The following CLYBL variants were observed in gnomAD, a reference collection of about 807,000 sequenced individuals.
CLYBL encodes the protein citramalyl-CoA lyase.
Under a neutral mutation model 38.9 loss-of-function variants are expected in CLYBL, and 31 were observed. That is an observed-to-expected ratio of 0.80 (90% CI 0.60 to 1.08). The LOEUF (loss-of-function observed/expected upper bound fraction) is 1.08. Ranked by LOEUF, CLYBL falls within the 50% of genes least tolerant of loss-of-function variation. The pLI is 0.00. For missense variants in CLYBL, 434 were observed against 411.6 expected (o/e 1.05, Z -0.47); for synonymous variants, 171 against 158.6 (o/e 1.08, Z -0.59).
At position 99,819,465 on chromosome 13, in the gene CLYBL, T is replaced by TATATATATATATAA. The variant is rs1366110606; in HGVS notation, c.250-39393_250-39392insTATATATATAAATA. Among the ~76,000 whole-genome samples the TATATATATATATAA allele has an allele frequency of 3.7e-3, 219 of 58,694 alleles. 16 individuals carry two copies. Among genetic ancestry groups the TATATATATATATAA allele is most frequent in the East Asian group, 9.9e-3 (18 of 1,826 alleles). The allele number at this position is 58,694 out of a possible 152,430, so 38.5% of individuals were successfully genotyped here. A position where few individuals can be genotyped will look rare whatever the true frequency, so the allele number is the denominator to read the frequency against. On this transcript the variant is annotated intron_variant, in intron 2 of 8. Transcript: ENST00000339105. The stretch of plus-strand genomic sequence containing the variant: ...ATATATATATATATATATATATATA[T>TATATATATATATAA]ATAATATTTGTCAGGGTTGTCTGGG...
At chr13:99,624,154 C>A (rs1157828423) in intron 1 of CLYBL, among the ~76,000 whole-genome samples, 1 of 152,088 alleles carries the variant, frequency 6.6e-6, no homozygotes, top group African/African-American at 2.4e-5. Context: ...TCAGAGCACC[C>A]CGTTCTTCAT....
chr13:99,606,800 C>T (rs1376813151), intron 1 of CLYBL, 43 bp downstream of exon 1: 2 of 1,353,592 alleles, frequency 1.5e-6, no homozygotes, highest in African/African-American at 1.5e-5. Flanking sequence ...GCCCGGCTCG[C>T]CGCGGGTCGG....
intron 1 of CLYBL, among the ~76,000 whole-genome samples, chr13:99,627,802 G>A (rs766226841): frequency 6.6e-6 from 1 of 152,198 alleles, no homozygotes; most frequent in Non-Finnish European, 1.5e-5. Flanking sequence ...GAGAAATAAT[G>A]TTGCTACATA....
chr13:99,726,930 G>A (rs1396918246), intron 1 of CLYBL, among the ~76,000 whole-genome samples: 2 of 151,982 alleles, frequency 1.3e-5, no homozygotes, highest in Non-Finnish European at 2.9e-5. Flanking sequence ...AGGCTGAGGC[G>A]GGCAGATCAC....
chr13:99,617,417 C>T (rs36094711), intron 1 of CLYBL, among the ~76,000 whole-genome samples: 3 of 152,140 alleles, frequency 2.0e-5, no homozygotes, highest in African/African-American at 7.2e-5. Context: ...AAAGCATACA[C>T]TTGACTTGTC....
intron 2 of CLYBL, among the ~76,000 whole-genome samples, chr13:99,794,995 T>A (rs545417926): frequency 2.0e-5 from 3 of 152,332 alleles, no homozygotes; most frequent in African/African-American, 7.2e-5. Flanking sequence ...ACTTTTGCCA[T>A]GTATTTTTAA....
intron 1 of CLYBL, among the ~76,000 whole-genome samples, chr13:99,734,646 C>T (rs926832764): frequency 2.0e-5 from 3 of 152,114 alleles, no homozygotes; most frequent in Admixed American, 2.0e-4. Context: ...TAGATCAGGA[C>T]CTATACATTT....
intron 2 of CLYBL, among the ~76,000 whole-genome samples, chr13:99,804,509 A>G (rs1290497783): frequency 1.3e-5 from 2 of 152,058 alleles, no homozygotes; most frequent in Non-Finnish European, 2.9e-5. Context: ...GAGAGATCCT[A>G]TACATGAAGA....
At chr13:99,647,353 G>A (rs1421107323) in intron 1 of CLYBL, among the ~76,000 whole-genome samples, 4 of 152,124 alleles carry the variant, frequency 2.6e-5, no homozygotes, top group African/African-American at 9.7e-5. Flanking sequence ...TCTTAGGGAA[G>A]GCTCCCGCCC....
rs574388917 is a variant in CLYBL, at chr13:99,714,462, C to A, written c.63-58362C>A. Among the ~76,000 whole-genome samples, 6 of 149,042 alleles carry A rather than the reference C, an allele frequency of 4.0e-5. No individual in the cohort carries two copies. The South Asian group carries it at 1.3e-3, about 32-fold the overall frequency. On this transcript the variant is annotated intron_variant, in intron 1 of 8. Transcript: ENST00000339105. ...TGAAACCCCATCTCTACTAAAAATA[C>A]AAAAATTAGCTTGGTGTGGTGGCAC...
intron 2 of CLYBL, among the ~76,000 whole-genome samples, chr13:99,841,004 A>G (rs2051062369): frequency 6.6e-6 from 1 of 152,264 alleles, no homozygotes; most frequent in East Asian, 1.9e-4. Flanking sequence ...CACATTCCAT[A>G]CTAATATTAT....
intron 2 of CLYBL, among the ~76,000 whole-genome samples, chr13:99,853,905 C>A (rs1400901346): frequency 6.6e-6 from 1 of 152,114 alleles, no homozygotes; most frequent in African/African-American, 2.4e-5. Flanking sequence ...GCTCCTGGGG[C>A]CTTCTGCTAA....
intron 1 of CLYBL, among the ~76,000 whole-genome samples, chr13:99,713,127 T>A (rs779338730): frequency 1.3e-5 from 2 of 152,088 alleles, no homozygotes; most frequent in Non-Finnish European, 2.9e-5. Context: ...TGATTCTTGA[T>A]CCTTTTTCTG....
chr13:99,820,014 C>T (rs2050555925), intron 2 of CLYBL, among the ~76,000 whole-genome samples: 1 of 152,222 alleles, frequency 6.6e-6, no homozygotes, highest in Admixed American at 6.5e-5. Flanking sequence ...CACTCAGTGG[C>T]TGCTGGTTGC....
intron 1 of CLYBL, among the ~76,000 whole-genome samples, chr13:99,665,814 A>G (rs934503571): frequency 1.3e-5 from 2 of 152,240 alleles, no homozygotes; most frequent in Non-Finnish European, 2.9e-5. Flanking sequence ...GGACTGATTC[A>G]TGTTAGATAA....
At chr13:99,846,869 G>A (rs1373052433) in intron 2 of CLYBL, among the ~76,000 whole-genome samples, 4 of 152,224 alleles carry the variant, frequency 2.6e-5, no homozygotes, top group Admixed American at 6.5e-5. Context: ...AGCTGAGTCG[G>A]TCTTAACCCA....
At chr13:99,761,825 G>A in intron 1 of CLYBL, among the ~76,000 whole-genome samples, 1 of 152,172 alleles carries the variant, frequency 6.6e-6, no homozygotes, top group East Asian at 1.9e-4. Context: ...ATCCTCACCA[G>A]CACTCGTTAC....
At chr13:99,835,178 C>T (rs982160828) in intron 2 of CLYBL, among the ~76,000 whole-genome samples, 2 of 152,248 alleles carry the variant, frequency 1.3e-5, no homozygotes, top group African/African-American at 2.4e-5. Context: ...GCTGATTCAT[C>T]TCTGCTTTTG....
intron 1 of CLYBL, among the ~76,000 whole-genome samples, chr13:99,644,499 T>G (rs1442189480): frequency 2.0e-5 from 3 of 152,214 alleles, no homozygotes; most frequent in African/African-American, 7.2e-5. Context: ...TTGTCATTTC[T>G]TTGTGTTTCA....
Sources: allele counts gnomAD v4.1 joint callset (sites outside exome capture counted in the v4.1 genomes callset), GRCh38; gene constraint gnomAD v4.1.1; transcripts MANE v1.5; gene names NCBI Gene and HGNC (gene_info 2026-07-23, HGNC 2026-07-21).